MAD1L1: variants seen among roughly 807,000 people sequenced by gnomAD.
MAD1L1 encodes mitotic spindle assembly checkpoint protein MAD1.
A neutral mutation model predicts 96.9 loss-of-function variants in MAD1L1; 95 were observed. The ratio of observed to expected loss-of-function variants is 0.98; its 90% CI spans 0.83 to 1.16. The LOEUF is 1.16. MAD1L1 is among the 50% of genes most tolerant of loss of function. MAD1L1 has a pLI of 0.00. For synonymous variants in MAD1L1, 473 were observed against 396.6 expected, an observed-to-expected ratio of 1.19 and a Z score of -2.29; for missense variants, 1,007 against 954.4, an observed-to-expected ratio of 1.06 and a Z score of -0.73.
chr7:2,164,491 C>A (rs775170800), intron 10 of MAD1L1, among the ~76,000 whole-genome samples: 1 of 149,380 alleles, frequency 6.7e-6, no homozygotes, highest in African/African-American at 2.5e-5. Flanking sequence ...CGAGCAGGGG[C>A]AGACGGCATG....
At chr7:2,080,386 G>A (rs1477167957) in intron 11 of MAD1L1, among the ~76,000 whole-genome samples, 1 of 152,190 alleles carries the variant, frequency 6.6e-6, no homozygotes, top group Non-Finnish European at 1.5e-5. Context: ...AAAGACATGA[G>A]TTCCCACCCA....
chr7:2,131,115 A>G (rs1788489963), intron 11 of MAD1L1, among the ~76,000 whole-genome samples: 1 of 152,202 alleles, frequency 6.6e-6, no homozygotes, highest in East Asian at 1.9e-4. Flanking sequence ...TTTTGGGTTG[A>G]CATACTGCAC....
chr7:2,000,130 G>C (rs868260914), intron 14 of MAD1L1, among the ~76,000 whole-genome samples: 1 of 152,020 alleles, frequency 6.6e-6, no homozygotes, highest in South Asian at 2.1e-4. Flanking sequence ...GCAGGCGTGA[G>C]ACTCCCACAC....
chr7:1,877,414 C>T lies in MAD1L1; in HGVS notation c.1998+20786G>A, dbSNP rs540947355. ...ATAACTAAACCAAAACAGAAGAAAACCAAAGAGGTATAATTAATAAGCCAA... is the reference window on the plus strand; with the variant it reads ...ATAACTAAACCAAAACAGAAGAAAATCAAAGAGGTATAATTAATAAGCCAA... On this transcript the variant is annotated intron_variant, in intron 18 of 18. Coordinates refer to ENST00000265854, the MANE Select transcript of MAD1L1 (RefSeq NM_001013836.2). Among the ~76,000 whole-genome samples, 3 of 150,788 alleles carry T rather than the reference C, an allele frequency of 2.0e-5. No homozygotes were observed. In the South Asian group the frequency reaches 6.3e-4, roughly 32 times the overall value.
chr7:2,096,980 G>C (rs936585978), intron 11 of MAD1L1, among the ~76,000 whole-genome samples: 5 of 152,156 alleles, frequency 3.3e-5, no homozygotes, highest in Admixed American at 2.6e-4. Flanking sequence ...CAGCGCACCC[G>C]GGGACCCTGC....
chr7:2,014,728 C>A lies in MAD1L1; in HGVS notation c.1219-86G>T, dbSNP rs1782458447. 4 of 1,437,422 alleles carry A rather than the reference C, an allele frequency of 2.8e-6. No homozygotes were observed. In the Admixed American group the frequency reaches 9.0e-5, roughly 33 times the overall value. 89.0% of individuals were successfully genotyped at this position (1,437,422 alleles called of 1,614,324 possible). A position where few individuals can be genotyped will look rare whatever the true frequency, so the allele number is the denominator to read the frequency against. On this transcript the variant is annotated intron_variant, in intron 12 of 18. Coordinates refer to ENST00000265854, the MANE Select transcript of MAD1L1 (RefSeq NM_001013836.2). ...CGGCTCAGGGAAGGCCCCACGAGAG[C>A]TGGGTCACGCGGGGGCTCCCTCGTG...
chr7:2,077,470 A>G (rs559505125), intron 11 of MAD1L1, among the ~76,000 whole-genome samples: 1 of 152,114 alleles, frequency 6.6e-6, no homozygotes, highest in East Asian at 1.9e-4. Flanking sequence ...TGCCTTGAGC[A>G]CCCCCATAGG....
chr7:2,090,321 C>G (rs1172763547), intron 11 of MAD1L1, among the ~76,000 whole-genome samples: 1 of 152,228 alleles, frequency 6.6e-6, no homozygotes, highest in African/African-American at 2.4e-5. Context: ...CTTTGGGGAA[C>G]TCAGGCAAGC....
chr7:1,831,717 C>T (rs13226997), intron 18 of MAD1L1, among the ~76,000 whole-genome samples: 46 of 151,578 alleles, frequency 3.0e-4, no homozygotes, highest in East Asian at 1.4e-3. Flanking sequence ...AATATGGAGA[C>T]GGTAAATGAG....
At position 1,957,640 on chromosome 7, in the gene MAD1L1, G is replaced by A. The variant is rs1554307170; in HGVS notation, c.1585C>T (p.Arg529Ter). 7.4e-6 allele frequency: 12 copies of A among 1,613,788 alleles called. No homozygotes were observed. The highest frequency in any genetic ancestry group is 1.3e-5 in the African/African-American group (1 of 74,948). The change falls in exon 16 of 19, where the codon CGA becomes TGA. Residue 529 changes from arginine (R) to a stop codon, truncating the protein, a stop_gained. Coordinates refer to ENST00000265854, the MANE Select transcript of MAD1L1 (RefSeq NM_001013836.2). LOFTEE classifies it high-confidence loss of function. ...TGCCCCGCCCTCACCTGCAGAGCTC[G>A]CCGCTCCAGCTGTGCCTCCAGCATC... ...KRMLEAQLERRALQGDYDQSR... is the reference protein window; with the variant it reads ...KRMLEAQLER
intron 17 of MAD1L1, among the ~76,000 whole-genome samples, chr7:1,924,210 T>C (rs1190917325): frequency 2.0e-5 from 3 of 152,222 alleles, no homozygotes; most frequent in Non-Finnish European, 4.4e-5. Flanking sequence ...ATCTTAGAGA[T>C]GATGCCGTGC....
At chr7:2,208,669 C>G (rs1472525430) in intron 10 of MAD1L1, among the ~76,000 whole-genome samples, 1 of 152,176 alleles carries the variant, frequency 6.6e-6, no homozygotes, top group African/African-American at 2.4e-5. Flanking sequence ...TTTCATTCTA[C>G]TGAAACAGGT....
Position 1,959,563 on chromosome 7 carries a change from A to G in MAD1L1, c.1506-1844T>C, listed in dbSNP as rs566110249. On this transcript the variant is annotated intron_variant, in intron 15 of 18. Transcript: ENST00000265854. Reference sequence around the variant, plus strand: ...GCTCAGGACCACGGCACGGAAAACCATCTTAAAGGCAGAGGTGGTACCTAC... The same window carrying G: ...GCTCAGGACCACGGCACGGAAAACCGTCTTAAAGGCAGAGGTGGTACCTAC... Among the ~76,000 whole-genome samples, 28 of 152,304 alleles carry G rather than the reference A, an allele frequency of 1.8e-4. 1 individual carries two copies. The East Asian group carries it at 5.2e-3, about 28-fold the overall frequency.
intron 10 of MAD1L1, among the ~76,000 whole-genome samples, chr7:2,152,211 C>A (rs1367769475): frequency 6.6e-6 from 1 of 152,216 alleles, no homozygotes; most frequent in Non-Finnish European, 1.5e-5. Flanking sequence ...TACTTGCTGG[C>A]CACATCCCTA....
intron 17 of MAD1L1, among the ~76,000 whole-genome samples, chr7:1,910,577 G>A (rs531215775): frequency 6.6e-6 from 1 of 152,306 alleles, no homozygotes; most frequent in African/African-American, 2.4e-5. Context: ...GTTCAGAAAA[G>A]CCTCCCTGGG....
At chr7:2,177,114 G>C (rs79866187) in intron 10 of MAD1L1, among the ~76,000 whole-genome samples, 1 of 152,218 alleles carries the variant, frequency 6.6e-6, no homozygotes, top group Non-Finnish European at 1.5e-5. Flanking sequence ...GAGAAACACA[G>C]ACCAAAATGC....
chr7:2,226,158 C>G (rs1404546328), intron 3 of MAD1L1, among the ~76,000 whole-genome samples: 3 of 152,230 alleles, frequency 2.0e-5, no homozygotes, highest in African/African-American at 7.2e-5. Flanking sequence ...GTACATCAAG[C>G]CCACCAGGGA....
chr7:2,130,723 G>A (rs1584394198), intron 11 of MAD1L1, among the ~76,000 whole-genome samples: 1 of 152,190 alleles, frequency 6.6e-6, no homozygotes, highest in African/African-American at 2.4e-5. Flanking sequence ...ATAACTAGGA[G>A]AGACCAAACA....
intron 11 of MAD1L1, among the ~76,000 whole-genome samples, chr7:2,115,623 A>G (rs1211433507): frequency 1.3e-5 from 2 of 152,220 alleles, no homozygotes; most frequent in Non-Finnish European, 2.9e-5. Context: ...CCCCGGTCAC[A>G]GGAGGCTGGA....
Sources: gnomAD v4.1 joint callset for allele counts (sites outside exome capture counted in the v4.1 genomes callset) on GRCh38, gnomAD v4.1.1 for gene constraint, MANE v1.5 for transcripts, NCBI Gene and HGNC (gene_info 2026-07-23, HGNC 2026-07-21) for gene names.